UGGT2: variants seen among roughly 807,000 people sequenced by gnomAD.
UGGT2 encodes UDP-glucose:glycoprotein glucosyltransferase 2.
A neutral mutation model predicts 192.1 loss-of-function variants in UGGT2; 180 were observed. The ratio of observed to expected loss-of-function variants is 0.94; its 90% CI spans 0.83 to 1.06. UGGT2 has a LOEUF of 1.06. Among genes scored for constraint, UGGT2 ranks in the 50% least tolerant of loss-of-function variants. The pLI is 0.00. For missense variants in UGGT2, 1,849 were observed against 1,795.7 expected (o/e 1.03, Z -0.54); for synonymous variants, 580 against 591.0 (o/e 0.98, Z 0.27).
chr13:95,806,619 T>A (rs919502621), intron 38 of UGGT2, among the ~76,000 whole-genome samples: 1 of 152,080 alleles, frequency 6.6e-6, no homozygotes, highest in East Asian at 1.9e-4. Context: ...AGAAAAAAAA[T>A]TGGACTCACT....
At chr13:95,907,256 A>C (rs9561977) in intron 20 of UGGT2, among the ~76,000 whole-genome samples, 1 of 152,148 alleles carries the variant, frequency 6.6e-6, no homozygotes, top group Non-Finnish European at 1.5e-5. Flanking sequence ...AGCGGCTGGG[A>C]AGCTCGAACT....
At chr13:95,826,007 A>G (rs962802475) in intron 38 of UGGT2, among the ~76,000 whole-genome samples, 1 of 152,092 alleles carries the variant, frequency 6.6e-6, no homozygotes, top group African/African-American at 2.4e-5. Flanking sequence ...GGATGCTTCA[A>G]TATTAGAAAA....
intron 4 of UGGT2, among the ~76,000 whole-genome samples, chr13:96,021,840 T>C (rs1397250550): frequency 6.6e-6 from 1 of 152,196 alleles, no homozygotes; most frequent in East Asian, 1.9e-4. Context: ...AAACATGCCA[T>C]GTTATTTGAT....
chr13:95,946,594 C>T (rs1008190102), intron 15 of UGGT2, among the ~76,000 whole-genome samples: 18 of 152,234 alleles, frequency 1.2e-4, no homozygotes, highest in African/African-American at 3.9e-4. Flanking sequence ...TGGTCTCGAG[C>T]TGCTGGTCTC....
At chr13:96,001,068 A>G (rs1449159813) in intron 5 of UGGT2, among the ~76,000 whole-genome samples, 4 of 152,194 alleles carry the variant, frequency 2.6e-5, no homozygotes, top group Non-Finnish European at 4.4e-5. Context: ...ATTTCACAGA[A>G]GCACACTTAA....
chr13:95,806,014 A>C (rs1312216234), intron 38 of UGGT2, among the ~76,000 whole-genome samples: 10 of 150,068 alleles, frequency 6.7e-5, no homozygotes, highest in African/African-American at 2.2e-4. Context: ...GAGAGAACAG[A>C]GATAAGGGGG....
rs1415473639 is a variant in UGGT2, at chr13:96,049,475, C to G, written c.158+3680G>C. On this transcript the variant is annotated intron_variant, in intron 1 of 38. Coordinates refer to ENST00000376747, the MANE Select transcript of UGGT2 (RefSeq NM_020121.4). ...TTCAACACAGTGTTGGAAGTTCTGG[C>G]CAGGGCAATCAGGCAGGAGAAAGAA... Among the ~76,000 whole-genome samples, 3 of 152,134 alleles carry G rather than the reference C, an allele frequency of 2.0e-5. No homozygotes were observed. The East Asian group carries it at 5.8e-4, about 29-fold the overall frequency.
chr13:96,035,026 C>A (rs917482382), intron 1 of UGGT2, among the ~76,000 whole-genome samples: 1 of 152,216 alleles, frequency 6.6e-6, no homozygotes, highest in Non-Finnish European at 1.5e-5. Flanking sequence ...ACCCTTATCA[C>A]GGGATCCTTA....
In UGGT2 at chr13:95,989,793, T is replaced by C. The variant is rs191361389; in HGVS notation, c.931+180A>G. Among the ~76,000 whole-genome samples the C allele has an allele frequency of 3.3e-5, 5 of 152,212 alleles. No individual in the cohort carries two copies. In the East Asian group the frequency reaches 7.7e-4, roughly 23 times the overall value. On this transcript the variant is annotated intron_variant, in intron 8 of 38. Transcript: ENST00000376747. ...TTTAAGTCTTGCAAATATAAAAATA[T>C]AGCTTGCTTGAGGGATGATCTGTTA...
chr13:95,859,567 C>A, intron 33 of UGGT2, 24 bp downstream of exon 33: 1 of 1,543,876 alleles, frequency 6.5e-7, no homozygotes, highest in Non-Finnish European at 8.9e-7. Context: ...ATTAACCATT[C>A]TACAAAAAAA....
chr13:95,854,526 CCTT>C, intron 34 of UGGT2, 51 bp from the exon 35 acceptor site: 1 of 1,450,664 alleles, frequency 6.9e-7, no homozygotes, highest in Non-Finnish European at 9.2e-7. Context: ...TAACATAAGC[CCTT>C]TTTTATGGGA....
chr13:95,936,731 C>A (rs2140508986), intron 17 of UGGT2, among the ~76,000 whole-genome samples, 193 bp downstream of exon 17: 1 of 152,306 alleles, frequency 6.6e-6, no homozygotes, highest in South Asian at 2.1e-4. Flanking sequence ...TATAAAGGGC[C>A]CCACTGCACC....
chr13:95,982,178 A>C (rs1375365392), intron 10 of UGGT2, among the ~76,000 whole-genome samples: 1 of 152,202 alleles, frequency 6.6e-6, no homozygotes, highest in Non-Finnish European at 1.5e-5. Flanking sequence ...CTGATATAGC[A>C]GTTAGGAAGA....
chr13:95,847,579 C>T (rs553615831), intron 36 of UGGT2, among the ~76,000 whole-genome samples: 139 of 152,226 alleles, frequency 9.1e-4, no homozygotes, highest in South Asian at 5.8e-3. Context: ...AGATTGGCTT[C>T]TTTCACTTAG....
intron 17 of UGGT2, among the ~76,000 whole-genome samples, chr13:95,931,301 G>T (rs1490615837): frequency 2.0e-5 from 3 of 152,174 alleles, no homozygotes; most frequent in African/African-American, 7.2e-5. Context: ...GTGCTGATTG[G>T]TGTATTCACA....
At chr13:96,029,683 C>T (rs2052773982) in intron 2 of UGGT2, among the ~76,000 whole-genome samples, 1 of 152,170 alleles carries the variant, frequency 6.6e-6, no homozygotes, top group Non-Finnish European at 1.5e-5. Flanking sequence ...TACTCCTGAG[C>T]TTATATTCCA....
At chr13:96,019,009 T>C (rs918032505) in intron 4 of UGGT2, among the ~76,000 whole-genome samples, 2 of 149,980 alleles carry the variant, frequency 1.3e-5, no homozygotes, top group African/African-American at 4.9e-5. Context: ...AATTATATGC[T>C]TAAATAAGAA....
rs781047282 is a variant in UGGT2, at chr13:96,023,667, T to G, written c.334A>C (p.Ile112Leu). ...TGAATAGCTGGGGAGTATGCCCTTA[T>G]AGAGAAAGCAAACTTTAAAAGGTTG... ...HINLLKFAFSIRAYSPAIQMF... is the reference protein window; with the variant it reads ...HINLLKFAFSLRAYSPAIQMF... The change falls in exon 3 of 39, where the codon ATA (isoleucine) becomes CTA (leucine). Residue 112 changes from isoleucine (I) to leucine (L), a missense_variant. Coordinates refer to ENST00000376747, the MANE Select transcript of UGGT2 (RefSeq NM_020121.4). The G allele has an allele frequency of 1.2e-6, 2 of 1,612,056 alleles. No individual in the cohort carries two copies. The highest frequency in any genetic ancestry group is 2.7e-5 in the African/African-American group (2 of 74,882).
intron 38 of UGGT2, among the ~76,000 whole-genome samples, chr13:95,802,813 T>TTTTC (rs1884121007): frequency 6.6e-6 from 1 of 150,948 alleles, no homozygotes; most frequent in African/African-American, 2.4e-5. Context: ...AGCTATCCTT[T>TTTTC]TTTGTTTGTT....
Sources: allele counts gnomAD v4.1 joint callset (sites outside exome capture counted in the v4.1 genomes callset), GRCh38; gene constraint gnomAD v4.1.1; transcripts MANE v1.5; gene names NCBI Gene and HGNC (gene_info 2026-07-23, HGNC 2026-07-21).